Variants in TMEM108 observed in about 807,000 individuals in gnomAD.
TMEM108 encodes the protein cancer/testis antigen 124.
Under a neutral mutation model 35.1 loss-of-function variants are expected in TMEM108, and 12 were observed. That is an observed-to-expected ratio of 0.34 (90% CI 0.22 to 0.55). TMEM108 has a LOEUF of 0.55. Ranked by LOEUF, TMEM108 falls within the 20% of genes least tolerant of loss-of-function variation. The probability of loss-of-function intolerance (pLI) is 0.89; values close to 1 mark genes in which losing one functional copy is unlikely to be tolerated. For missense variants in TMEM108, 680 were observed against 753.3 expected, an observed-to-expected ratio of 0.90 and a Z score of 1.14; for synonymous variants, 287 against 308.6, an observed-to-expected ratio of 0.93 and a Z score of 0.73.
intron 2 of TMEM108, among the ~76,000 whole-genome samples, chr3:133,109,219 T>G (rs374556424): frequency 1.3e-5 from 2 of 152,282 alleles, no homozygotes; most frequent in East Asian, 1.9e-4. Context: ...TTCCCCTGGG[T>G]CACACAGCTT....
At chr3:133,215,099 C>T (rs1380924351) in intron 2 of TMEM108, among the ~76,000 whole-genome samples, 1 of 152,142 alleles carries the variant, frequency 6.6e-6, no homozygotes, top group Non-Finnish European at 1.5e-5. Context: ...GAGCCTCTCA[C>T]AAACTTTTAT....
chr3:133,186,224 G>A (rs959317104), intron 2 of TMEM108, among the ~76,000 whole-genome samples: 2 of 152,150 alleles, frequency 1.3e-5, no homozygotes, highest in South Asian at 2.1e-4. Flanking sequence ...ATTAGGAACC[G>A]TTAAAGGTGG....
At chr3:133,152,863 T>G (rs1944821860) in intron 2 of TMEM108, among the ~76,000 whole-genome samples, 2 of 152,086 alleles carry the variant, frequency 1.3e-5, no homozygotes, top group Non-Finnish European at 2.9e-5. Flanking sequence ...GCGACTTAAT[T>G]AAAAAACAAC....
At chr3:133,099,185 G>A (rs1229000730) in intron 2 of TMEM108, among the ~76,000 whole-genome samples, 1 of 152,220 alleles carries the variant, frequency 6.6e-6, no homozygotes, top group South Asian at 2.1e-4. Context: ...CCACATGGAA[G>A]CTGCCAAGGC....
intron 2 of TMEM108, among the ~76,000 whole-genome samples, chr3:133,118,681 C>T (rs1944315978): frequency 6.6e-6 from 1 of 152,170 alleles, no homozygotes; most frequent in South Asian, 2.1e-4. Context: ...AATCACTGTC[C>T]CAGAAGCTAC....
chr3:133,351,641 T>C (rs2072000841), intron 3 of TMEM108, among the ~76,000 whole-genome samples: 2 of 152,188 alleles, frequency 1.3e-5, no homozygotes, highest in South Asian at 4.1e-4. Flanking sequence ...CCATGATGGC[T>C]GTACCAGACA....
At chr3:133,121,521 G>A (rs539268864) in intron 2 of TMEM108, among the ~76,000 whole-genome samples, 6 of 152,240 alleles carry the variant, frequency 3.9e-5, no homozygotes, top group South Asian at 2.1e-4. Flanking sequence ...ATTTTGATTC[G>A]TTCTTTCATC....
At chr3:133,292,651 G>GA (rs1559894558) in intron 3 of TMEM108, among the ~76,000 whole-genome samples, 1 of 152,188 alleles carries the variant, frequency 6.6e-6, no homozygotes, top group African/African-American at 2.4e-5. Flanking sequence ...GGGGACCCTG[G>GA]AGACAGTTTT....
chr3:133,272,313 T>TGTGTGTGTGTG (rs1559888647), intron 3 of TMEM108, among the ~76,000 whole-genome samples: 2 of 97,966 alleles, frequency 2.0e-5, no homozygotes, highest in Admixed American at 1.8e-4. Context: ...GTGTGTGTGT[T>TGTGTGTGTGTG]TCCTAAAGGA....
At chr3:133,189,055 GA>G (rs1945462117) in intron 2 of TMEM108, among the ~76,000 whole-genome samples, 1 of 152,202 alleles carries the variant, frequency 6.6e-6, no homozygotes, top group Admixed American at 6.5e-5. Flanking sequence ...GGGAATTTTG[GA>G]AATGTAGTTT....
At position 133,346,122 on chromosome 3, in the gene TMEM108, C is replaced by T. The variant is rs1357078852; in HGVS notation, c.41-33630C>T. Among the ~76,000 whole-genome samples the T allele has an allele frequency of 6.6e-6, 1 of 151,888 alleles. No individual in the cohort carries two copies. Among genetic ancestry groups the T allele is most frequent in the Non-Finnish European group, 1.5e-5 (1 of 67,830 alleles). On this transcript the variant is annotated intron_variant, in intron 3 of 5. Transcript: ENST00000321871. This position sits in a 1 kb window ranked among gnomAD's most constrained non-coding sequence, Gnocchi z 4.0. The stretch of plus-strand genomic sequence containing the variant: ...ATTCATGTGTAGGATTCTGTGTGAA[C>T]TTAAATTTTCAATTCATTTAGGTAA...
intron 2 of TMEM108, among the ~76,000 whole-genome samples, chr3:133,181,230 C>T (rs979690859): frequency 4.6e-5 from 7 of 152,054 alleles, no homozygotes; most frequent in African/African-American, 1.2e-4. Flanking sequence ...ATAGAGGAGG[C>T]TCATCTATGA....
At chr3:133,395,758 A>C (rs2073296567) in intron 5 of TMEM108, 106 bp from the exon 6 acceptor site, 2 of 1,217,934 alleles carry the variant, frequency 1.6e-6, no homozygotes, top group Admixed American at 6.0e-5. Flanking sequence ...AATGTGCACC[A>C]AGCCATCAGT....
intron 2 of TMEM108, among the ~76,000 whole-genome samples, chr3:133,144,020 C>T (rs992059998): frequency 1.3e-5 from 2 of 149,770 alleles, no homozygotes; most frequent in Non-Finnish European, 2.9e-5. Flanking sequence ...ATGTGCAGAA[C>T]GTGCAGCTTT....
chr3:133,373,362 A>AAAAG lies in TMEM108; in HGVS notation c.41-6386_41-6383dup, dbSNP rs2072734193. Among the ~76,000 whole-genome samples, 3 of 150,398 alleles carry AAAAG rather than the reference A, an allele frequency of 2.0e-5. 1 individual carries two copies. The highest frequency in any genetic ancestry group is 7.4e-5 in the African/African-American group (3 of 40,634). On this transcript the variant is annotated intron_variant, in intron 3 of 5. Coordinates refer to ENST00000321871, the MANE Select transcript of TMEM108 (RefSeq NM_023943.4). ...AGACCTTGTCTCAAAAAAAAAAAAA[A>AAAAG]AAAGAAATTTAGATAGATAGATGAT... is the stretch of plus-strand genomic sequence containing the variant.
chr3:133,157,857 T>G (rs567563472), intron 2 of TMEM108, among the ~76,000 whole-genome samples: 1 of 152,232 alleles, frequency 6.6e-6, no homozygotes, highest in Non-Finnish European at 1.5e-5. Context: ...GGGAATGAGC[T>G]CCCCCGGTTC....
chr3:133,355,399 G>A lies in TMEM108; in HGVS notation c.41-24353G>A, dbSNP rs531746764. Among the ~76,000 whole-genome samples the A allele has an allele frequency of 3.3e-5, 5 of 152,214 alleles. No homozygotes were observed. The East Asian group carries it at 9.6e-4, about 29-fold the overall frequency. On this transcript the variant is annotated intron_variant, in intron 3 of 5. Transcript: ENST00000321871. ...ACGTAGTTACCATTGCCTGTGATGG[G>A]TGAATATTGGTTGTAGTTGTTCACC...
In TMEM108 at chr3:133,288,967, C is replaced by G. The variant is rs376432899; in HGVS notation, c.40+59616C>G. 6.5e-4 allele frequency among the ~76,000 whole-genome samples: 99 copies of G among 152,236 alleles called. 1 individual carries two copies. The highest frequency in any genetic ancestry group is 2.3e-3 in the African/African-American group (96 of 41,530). Reference sequence around the variant, plus strand: ...GCCAGGCTGGTCTCAAACTCCTGACCTCAAGTGATCTGCTTGCCTCGGCCT... The same window carrying G: ...GCCAGGCTGGTCTCAAACTCCTGACGTCAAGTGATCTGCTTGCCTCGGCCT... On this transcript the variant is annotated intron_variant, in intron 3 of 5. Transcript: ENST00000321871.
At chr3:133,302,415 CTTTT>C (rs927704510) in intron 3 of TMEM108, among the ~76,000 whole-genome samples, 7 of 110,100 alleles carry the variant, frequency 6.4e-5, no homozygotes, top group Non-Finnish European at 1.1e-4. Context: ...TTCTTTCTTT[CTTTT>C]TTTTTTTTTT....
Sources: allele counts gnomAD v4.1 joint callset (sites outside exome capture counted in the v4.1 genomes callset), GRCh38; gene constraint gnomAD v4.1.1; non-coding constraint Gnocchi (gnomAD v3.1); transcripts MANE v1.5; gene names NCBI Gene and HGNC (gene_info 2026-07-23, HGNC 2026-07-21).